Variants in CCP110 observed in about 807,000 individuals in gnomAD.
CCP110 encodes the protein centriolar coiled-coil protein of 110 kDa.
In CCP110, 43 loss-of-function variants were observed where a neutral mutation model predicts 105.5. The observed-to-expected ratio is 0.41, with a 90% CI of 0.32 to 0.53. The LOEUF is 0.53. Ranked by LOEUF, CCP110 falls within the 20% of genes least tolerant of loss-of-function variation. The pLI, the probability that CCP110 is intolerant of heterozygous loss-of-function variation, is 0.32. For synonymous variants in CCP110, 353 were observed against 392.1 expected, an observed-to-expected ratio of 0.90 and a Z score of 1.18; for missense variants, 1,016 against 1,189.1, an observed-to-expected ratio of 0.85 and a Z score of 2.14.
intron 1 of CCP110, chr16:19,525,822 A>G (rs2151457665): frequency 6.5e-6 from 1 of 152,808 alleles, no homozygotes; most frequent in South Asian, 2.1e-4. Context: ...AGGAAGACAG[A>G]CAAAAATCAA....
intron 5 of CCP110, among the ~76,000 whole-genome samples, chr16:19,541,177 A>G (rs987523760): frequency 6.6e-6 from 1 of 151,972 alleles, no homozygotes; most frequent in Non-Finnish European, 1.5e-5. Context: ...GCTTGAGCCC[A>G]GAAATTCAAG....
intron 8 of CCP110, among the ~76,000 whole-genome samples, chr16:19,544,109 T>C (rs143296927): frequency 0.018 from 2,673 of 152,276 alleles, 89 homozygotes; most frequent in African/African-American, 0.062. Context: ...CCTACCAATA[T>C]GTGATGTCCC....
exon 8 of CCP110, chr16:19,542,901 A>G (rs754423940): frequency 5.6e-6 from 9 of 1,612,484 alleles, no homozygotes; most frequent in Middle Eastern, 1.7e-4. Context: ...AAATACAAGC[A>G]AAATTTAACA....
exon 4 of CCP110, chr16:19,536,945 C>T: frequency 1.2e-6 from 2 of 1,614,146 alleles, no homozygotes; most frequent in Non-Finnish European, 1.7e-6. Flanking sequence ...CGAAATTATG[C>T]CAAAGTTACC....
exon 15 of CCP110, chr16:19,551,650 G>C (rs1049312988): frequency 6.3e-6 from 1 of 157,558 alleles, no homozygotes; most frequent in Non-Finnish European, 1.4e-5. Flanking sequence ...TCTGCATAGT[G>C]ATTTTTGAAT....
At chr16:19,546,518 T>C in intron 12 of CCP110, 44 bp downstream of exon 12, 1 of 1,263,724 alleles carries the variant, frequency 7.9e-7, no homozygotes, top group Non-Finnish European at 1.1e-6. Flanking sequence ...TTTTGTTTTT[T>C]ATAGAAAAAA....
chr16:19,527,978 A>G, exon 2 of CCP110: 3 of 1,613,498 alleles, frequency 1.9e-6, no homozygotes, highest in African/African-American at 1.3e-5. Context: ...GTCTGAAAGT[A>G]TCTCACTTAT....
chr16:19,545,953 C>A, intron 11 of CCP110, 63 bp downstream of exon 11: 2 of 891,480 alleles, frequency 2.2e-6, no homozygotes, highest in South Asian at 2.9e-5. Flanking sequence ...ATCTGTTGGT[C>A]TATTTGCATA....
chr16:19,543,140 C>T (rs997116761), intron 8 of CCP110, 146 bp downstream of exon 8: 28 of 571,182 alleles, frequency 4.9e-5, no homozygotes, highest in South Asian at 1.5e-4. Context: ...TTGTTTGTTG[C>T]GGGAAGTCAG....
chr16:19,528,057 G>T, intron 2 of CCP110, 35 bp downstream of exon 2: 1 of 1,566,004 alleles, frequency 6.4e-7, no homozygotes, highest in Non-Finnish European at 8.7e-7. Flanking sequence ...GTTTTTTTCT[G>T]TAGTGAACAA....
intron 2 of CCP110, 90 bp downstream of exon 2, chr16:19,528,112 TG>T: frequency 2.0e-6 from 2 of 1,023,476 alleles, no homozygotes; most frequent in East Asian, 5.0e-5. Flanking sequence ...TATAAACATT[TG>T]AAGAGATGCC....
exon 1 of CCP110, chr16:19,524,053 GA>G (rs1969578448): frequency 6.5e-6 from 1 of 153,586 alleles, no homozygotes; most frequent in Non-Finnish European, 1.4e-5. Flanking sequence ...GGCCCGTGGC[GA>G]GGGGAGAGGA....
exon 15 of CCP110, chr16:19,552,113 G>A (rs912390309): frequency 6.6e-6 from 1 of 152,058 alleles, no homozygotes; most frequent in Non-Finnish European, 1.5e-5. Flanking sequence ...CTTGATTTAG[G>A]AGAGAATAAA....
Position 19,545,249 on chromosome 16 carries a change from G to A in CCP110, c.2703+39G>A, listed in dbSNP as rs757170780. On this transcript the variant is annotated intron_variant, in intron 10 of 14. Coordinates refer to ENST00000381396, the Ensembl canonical transcript of CCP110. ...TTTCTAATGAATAGAGTTCTTCTGGGTTTAGGGTAATTGATACTAAATGTC... is the reference window on the plus strand; with the variant it reads ...TTTCTAATGAATAGAGTTCTTCTGGATTTAGGGTAATTGATACTAAATGTC... 6 of 1,209,762 alleles carry A rather than the reference G, an allele frequency of 5.0e-6. No individual in the cohort carries two copies. The South Asian group carries it at 6.5e-5, about 13-fold the overall frequency. 74.9% of individuals were successfully genotyped at this position (1,209,762 alleles called of 1,614,324 possible).
At chr16:19,529,676 C>G (rs759169722) in intron 2 of CCP110, among the ~76,000 whole-genome samples, 11 of 152,106 alleles carry the variant, frequency 7.2e-5, no homozygotes, top group Non-Finnish European at 5.9e-5. Flanking sequence ...AAAATAAGGA[C>G]ATTCTCCTAT....
intron 7 of CCP110, 25 bp downstream of exon 7, chr16:19,542,785 C>T: frequency 6.3e-7 from 1 of 1,591,894 alleles, no homozygotes; most frequent in Non-Finnish European, 8.6e-7. Context: ...TGATACATGT[C>T]CATCTATCTA....
chr16:19,527,904 G>C, exon 2 of CCP110: 6 of 1,613,528 alleles, frequency 3.7e-6, no homozygotes, highest in Non-Finnish European at 5.1e-6. Flanking sequence ...GAGAAGTTCT[G>C]TGAAAAAAGT....
intron 1 of CCP110, among the ~76,000 whole-genome samples, chr16:19,527,507 G>A (rs1477942442): frequency 1.3e-5 from 2 of 151,862 alleles, no homozygotes; most frequent in African/African-American, 4.8e-5. Context: ...GTGTAGATAA[G>A]TCCTGTTAAA....
chr16:19,536,447 C>A (rs1190016263), exon 4 of CCP110: 1 of 1,613,736 alleles, frequency 6.2e-7, no homozygotes, highest in Non-Finnish European at 8.5e-7. Flanking sequence ...TAATGAGAGT[C>A]ATTTAGACAA....
Sources: gnomAD v4.1 joint callset for allele counts (sites outside exome capture counted in the v4.1 genomes callset) on GRCh38, gnomAD v4.1.1 for gene constraint, MANE v1.5 for transcripts, NCBI Gene and HGNC (gene_info 2026-07-23, HGNC 2026-07-21) for gene names.